Variants in RNFT1 observed in about 807,000 individuals in gnomAD.
RNFT1 encodes E3 ubiquitin-protein ligase RNFT1.
A neutral mutation model predicts 53.2 loss-of-function variants in RNFT1; 35 were observed. The ratio of observed to expected loss-of-function variants is 0.66; its 90% CI spans 0.50 to 0.87. The LOEUF is 0.87. RNFT1 is among the 40% of genes least tolerant of loss of function. The probability of loss-of-function intolerance (pLI) is 0.00; values close to 1 mark genes in which losing one functional copy is unlikely to be tolerated. For missense variants in RNFT1, 421 were observed against 515.0 expected (o/e 0.82, Z 1.77); for synonymous variants, 141 against 172.8 (o/e 0.82, Z 1.44).
intron 5 of RNFT1, among the ~76,000 whole-genome samples, chr17:59,957,803 C>T (rs182884489): frequency 1.3e-5 from 2 of 152,136 alleles, no homozygotes; most frequent in Admixed American, 6.5e-5. Context: ...CAAGATCACA[C>T]CACTGCACTC....
chr17:59,952,835 G>T lies in RNFT1; in HGVS notation c.*142C>A, dbSNP rs1238170101. 1 of 673,568 alleles carries T rather than the reference G, an allele frequency of 1.5e-6. No homozygotes were observed. The highest frequency in any genetic ancestry group is 2.4e-6 in the Non-Finnish European group (1 of 422,318). The allele number at this position is 673,568 out of a possible 1,614,324, so 41.7% of individuals were successfully genotyped here. On this transcript the variant is annotated 3_prime_UTR_variant, in exon 9 of 9. Transcript: ENST00000305783. ...CAGGGTGGTTTCATTTAATCTTTTGGTGAATTGGATCATAAGTCCTACATT... is the reference window on the plus strand; with the variant it reads ...CAGGGTGGTTTCATTTAATCTTTTGTTGAATTGGATCATAAGTCCTACATT...
intron 3 of RNFT1, chr17:59,962,329 T>C (rs1227569684): frequency 2.2e-6 from 1 of 460,898 alleles, no homozygotes; most frequent in Non-Finnish European, 3.9e-6. Flanking sequence ...AATTTTTTTT[T>C]CTTACAAAGA....
At chr17:59,957,644 G>A (rs542693712) in intron 5 of RNFT1, among the ~76,000 whole-genome samples, 5 of 152,170 alleles carry the variant, frequency 3.3e-5, no homozygotes, top group African/African-American at 4.8e-5. Context: ...TCAGGAGTTC[G>A]AGACCAGCTG....
intron 7 of RNFT1, 88 bp downstream of exon 7, chr17:59,956,400 A>T (rs563617775): frequency 1.3e-6 from 1 of 798,362 alleles, no homozygotes; most frequent in African/African-American, 1.8e-5. Context: ...TATTTATGAA[A>T]TCCATTCTTG....
At chr17:59,953,830 T>C (rs957146838) in intron 8 of RNFT1, 35 of 397,110 alleles carry the variant, frequency 8.8e-5, no homozygotes, top group Non-Finnish European at 1.5e-4. Context: ...AATCTGCCAG[T>C]TGAATTATTT....
chr17:59,963,408 GTTAT>G, intron 1 of RNFT1, 124 bp from the exon 2 acceptor site: 2 of 794,604 alleles, frequency 2.5e-6, no homozygotes. Flanking sequence ...GAATTTTCAG[GTTAT>G]TTATCACTGG....
intron 3 of RNFT1, among the ~76,000 whole-genome samples, chr17:59,961,882 C>CTT (rs71370154): frequency 0.018 from 1,649 of 91,406 alleles, 108 homozygotes; most frequent in African/African-American, 0.042. Context: ...TGGCCCAGGT[C>CTT]TTTTTTTTTT....
rs1173156818 is a variant in RNFT1, at chr17:59,952,398, TTAC to T, written c.*576_*578del. ...CATTTATTTTCACTTATTACTAATCTTACTACAGAGAATAATACAATACTATAA... is the reference window on the plus strand; with the variant it reads ...CATTTATTTTCACTTATTACTAATCTTACAGAGAATAATACAATACTATAA... On this transcript the variant is annotated 3_prime_UTR_variant, in exon 9 of 9. Transcript: ENST00000305783. 1 of 152,214 alleles carries T rather than the reference TTAC, an allele frequency of 6.6e-6. No individual in the cohort carries two copies. The highest frequency in any genetic ancestry group is 1.5e-5 in the Non-Finnish European group (1 of 68,036). The allele number at this position is 152,214 out of a possible 1,614,324, so 9.4% of individuals were successfully genotyped here.
intron 3 of RNFT1, among the ~76,000 whole-genome samples, chr17:59,962,062 T>C (rs1453292517): frequency 6.6e-6 from 1 of 151,748 alleles, no homozygotes; most frequent in Non-Finnish European, 1.5e-5. Context: ...ATTTTTTGTA[T>C]TTTTAGTAGA....
At position 59,958,410 on chromosome 17, in the gene RNFT1, T is replaced by G. The variant is rs1487608284; in HGVS notation, c.727A>C (p.Ser243Arg). The change falls in exon 5 of 9, where the codon AGC becomes CGC. Residue 243 changes from serine to arginine, a missense_variant. Physicochemically the swap from Ser to Arg is moderately radical, Grantham distance 110. Transcript: ENST00000305783. ...ACAATCCAAAATACTTCCCAGAAGC[T>G]CAAATGGTCCAAAGTAGGATTTAAA... The part of the protein sequence containing the change: ...IFLNPTLDHL[S>R]FWEVFWIVGI... The G allele has an allele frequency of 3.1e-6, 5 of 1,594,378 alleles. No individual in the cohort carries two copies. The East Asian group carries it at 1.1e-4, about 36-fold the overall frequency.
At chr17:59,954,297 T>C in intron 7 of RNFT1, 151 bp from the exon 8 acceptor site, 1 of 600,780 alleles carries the variant, frequency 1.7e-6, no homozygotes, top group Non-Finnish European at 2.9e-6. Flanking sequence ...CTGAGCCATA[T>C]ACAGAACCAC....
intron 3 of RNFT1, among the ~76,000 whole-genome samples, chr17:59,960,437 C>CAAAAAAAAAAAA (rs11406596): frequency 1.5e-5 from 1 of 68,326 alleles, no homozygotes; most frequent in Non-Finnish European, 2.5e-5. Context: ...AGTCTTCTCT[C>CAAAAAAAAAAAA]AAAAAAAAAA....
intron 5 of RNFT1, 128 bp downstream of exon 5, chr17:59,958,163 T>C: frequency 1.1e-6 from 1 of 885,680 alleles, no homozygotes; most frequent in South Asian, 1.8e-5. Flanking sequence ...TAAGCTGAAA[T>C]AATACAGATA....
At chr17:59,962,120 C>T (rs1324967142) in intron 3 of RNFT1, among the ~76,000 whole-genome samples, 1 of 151,836 alleles carries the variant, frequency 6.6e-6, no homozygotes, top group Non-Finnish European at 1.5e-5. Flanking sequence ...CTCCTGACCT[C>T]ATGATCTGCC....
In RNFT1 at chr17:59,952,791, T is replaced by C; in HGVS notation, c.*186A>G. On this transcript the variant is annotated 3_prime_UTR_variant, in exon 9 of 9. Transcript: ENST00000305783. ...TGTTGCATATACATTAGGTTGAACA[T>C]TATATATATTTTAAAACACAGGGTG... 1 of 505,634 alleles carries C rather than the reference T, an allele frequency of 2.0e-6. No individual in the cohort carries two copies. Among genetic ancestry groups the C allele is most frequent in the Admixed American group, 3.5e-5 (1 of 28,708 alleles). 31.3% of individuals were successfully genotyped at this position (505,634 alleles called of 1,614,324 possible).
At chr17:59,958,682 A>C (rs757704330) in intron 4 of RNFT1, 2 of 558,672 alleles carry the variant, frequency 3.6e-6, no homozygotes, top group Non-Finnish European at 6.8e-6. Context: ...ACGGTTTGTC[A>C]TAGTTGACAC....
rs759286951 is a variant in RNFT1 at position 59,964,596 on chromosome 17, C to T, written c.56+12G>A. The stretch of plus-strand genomic sequence containing the variant: ...GCCGCCTCCTCCTCTGCCCGCTTCC[C>T]CCAGGCCTAACCTCTCATGACCAGA... On this transcript the variant is annotated intron_variant, in intron 1 of 8. Coordinates refer to ENST00000305783, the MANE Select transcript of RNFT1 (RefSeq NM_016125.4). The T allele has an allele frequency of 2.5e-6, 4 of 1,595,724 alleles. No individual in the cohort carries two copies. The highest frequency in any genetic ancestry group is 1.7e-5 in the Admixed American group (1 of 57,936).
In RNFT1 at chr17:59,962,843, A is replaced by G; in HGVS notation, c.498T>C (p.Val166=). Residue 166 remains valine, a synonymous_variant, in exon 2 of 9, where the codon GTT becomes GTC. Transcript: ENST00000305783. ...PYILILSVKL[V]MQHITGISLG... is the part of the protein sequence containing the mutation. The stretch of plus-strand genomic sequence containing the variant: ...ATGTCCTACCTGTTATATGCTGCAT[A>G]ACAAGTTTGACGCTCAGAATCAAAA... 6.2e-7 allele frequency: 1 copy of G among 1,611,804 alleles called. No homozygotes were observed. Among genetic ancestry groups the G allele is most frequent in the Non-Finnish European group, 8.5e-7 (1 of 1,177,916 alleles).
In RNFT1 at chr17:59,963,385, A is replaced by C. The variant is rs1057503168; in HGVS notation, c.57-101T>G. On this transcript the variant is annotated intron_variant, in intron 1 of 8. Coordinates refer to ENST00000305783, the MANE Select transcript of RNFT1 (RefSeq NM_016125.4). ...TTTATTCACTAAAGGAGTAGCAAAT[A>C]ATCACAACAGATGAATTTTCAGGTT... The C allele has an allele frequency of 9.4e-6, 9 of 956,532 alleles. No homozygotes were observed. The African/African-American group carries it at 1.5e-4, about 16-fold the overall frequency. The allele number at this position is 956,532 out of a possible 1,614,324, so 59.3% of individuals were successfully genotyped here.
Sources: allele counts gnomAD v4.1 joint callset (sites outside exome capture counted in the v4.1 genomes callset), GRCh38; gene constraint gnomAD v4.1.1; transcripts MANE v1.5; gene names NCBI Gene and HGNC (gene_info 2026-07-23, HGNC 2026-07-21).